PLXNA4: variants seen among roughly 807,000 people sequenced by gnomAD.
PLXNA4 encodes the protein plexin-A4.
PLXNA4 carries 44 observed loss-of-function variants against 191.8 expected under a neutral mutation model. That is an observed-to-expected ratio of 0.23 (90% confidence interval 0.18 to 0.29). The LOEUF is 0.29. Ranked by LOEUF, PLXNA4 falls within the 10% of genes least tolerant of loss-of-function variation. The pLI is 1.00. For synonymous variants in PLXNA4, 1,082 were observed against 1,009.5 expected (o/e 1.07, Z -1.36); for missense variants, 1,800 against 2,488.8 (o/e 0.72, Z 5.89).
chr7:132,130,277 A>G lies in PLXNA4; in HGVS notation c.*202T>C. The G allele has an allele frequency of 1.4e-6, 1 of 712,306 alleles. No individual in the cohort carries two copies. The highest frequency in any genetic ancestry group is 2.2e-6 in the Non-Finnish European group (1 of 447,584). The allele number at this position is 712,306 out of a possible 1,614,324, so 44.1% of individuals were successfully genotyped here. ...AACTGAGGGTCAGTGGCTTGGTCCA[A>G]TCGTGTTGGCAGAGCAACTGGAAGA... On this transcript the variant is annotated 3_prime_UTR_variant, in exon 32 of 32. Coordinates refer to ENST00000321063, the MANE Select transcript of PLXNA4 (RefSeq NM_020911.2).
intron 9 of PLXNA4, among the ~76,000 whole-genome samples, chr7:132,213,097 T>C (rs1797855691): frequency 6.6e-6 from 1 of 152,244 alleles, no homozygotes; most frequent in South Asian, 2.1e-4. Context: ...AACTCTGCTA[T>C]AACATGGATG....
chr7:132,528,649 A>G (rs1353199351), intron 1 of PLXNA4, among the ~76,000 whole-genome samples: 1 of 152,182 alleles, frequency 6.6e-6, no homozygotes, highest in African/African-American at 2.4e-5. Flanking sequence ...GTGAGGGAGC[A>G]CCTCTCTTCC....
At chr7:132,612,410 C>T (rs953441735) in intron 2 of PLXNA4, among the ~76,000 whole-genome samples, 1 of 152,070 alleles carries the variant, frequency 6.6e-6, no homozygotes, top group Non-Finnish European at 1.5e-5. Context: ...ACTGTAATCC[C>T]AGCACTTTGG....
rs1805261590 is a variant in PLXNA4, at chr7:132,388,591, T to G, written c.1372-90369A>C. Among the ~76,000 whole-genome samples the G allele has an allele frequency of 2.0e-5, 3 of 152,240 alleles. No homozygotes were observed. In the South Asian group the frequency reaches 6.2e-4, roughly 32 times the overall value. Reference sequence around the variant, plus strand: ...TTTCTGTGTCCTGACCATGTATTTTTAGCAATCCAACTAAGGGGTTCCAGC... The same window carrying G: ...TTTCTGTGTCCTGACCATGTATTTTGAGCAATCCAACTAAGGGGTTCCAGC... On this transcript the variant is annotated intron_variant, in intron 3 of 31. Coordinates refer to ENST00000321063, the MANE Select transcript of PLXNA4 (RefSeq NM_020911.2).
intron 2 of PLXNA4, among the ~76,000 whole-genome samples, chr7:132,492,045 A>G (rs1399886604): frequency 6.6e-6 from 1 of 152,114 alleles, no homozygotes; most frequent in African/African-American, 2.4e-5. Flanking sequence ...CGCATCCCCA[A>G]ATTTCTCAGG....
At chr7:132,582,411 T>C (rs1563186679) in intron 2 of PLXNA4, among the ~76,000 whole-genome samples, 3 of 152,154 alleles carry the variant, frequency 2.0e-5, no homozygotes, top group Admixed American at 6.5e-5. Flanking sequence ...CCCCAGTGAC[T>C]CTCAACCAGA....
chr7:132,644,083 C>T (rs971752785), intron 2 of PLXNA4, among the ~76,000 whole-genome samples: 3 of 152,032 alleles, frequency 2.0e-5, no homozygotes, highest in Admixed American at 6.6e-5. Context: ...TATTTATTAC[C>T]GTGGGTTGCA....
chr7:132,421,583 T>A (rs964533440), intron 3 of PLXNA4, among the ~76,000 whole-genome samples: 1 of 152,080 alleles, frequency 6.6e-6, no homozygotes, highest in Non-Finnish European at 1.5e-5. Context: ...CTAAAGTTTT[T>A]TTTTTTTACC....
At chr7:132,180,555 T>A in intron 19 of PLXNA4, 31 bp downstream of exon 19, 1 of 1,613,482 alleles carries the variant, frequency 6.2e-7, no homozygotes, top group Non-Finnish European at 8.5e-7. Flanking sequence ...TACTGCCCGC[T>A]CCATCCAGGA....
chr7:132,180,040 G>T, intron 19 of PLXNA4, 119 bp from the exon 20 acceptor site: 1 of 1,441,068 alleles, frequency 6.9e-7, no homozygotes, highest in Non-Finnish European at 9.2e-7. Context: ...ACCAATCACT[G>T]GTGTCAAAAT....
chr7:132,242,006 T>C (rs1798894738), intron 4 of PLXNA4, among the ~76,000 whole-genome samples: 1 of 152,266 alleles, frequency 6.6e-6, no homozygotes, highest in Admixed American at 6.5e-5. Flanking sequence ...TAGCTTTGCC[T>C]TGATGTCTCT....
intron 2 of PLXNA4, among the ~76,000 whole-genome samples, chr7:132,497,521 A>G (rs1798074500): frequency 6.6e-6 from 1 of 152,196 alleles, no homozygotes; most frequent in East Asian, 1.9e-4. Context: ...CTCCTCAGAA[A>G]GCCTATTATT....
At chr7:132,340,094 C>T (rs1228303146) in intron 3 of PLXNA4, among the ~76,000 whole-genome samples, 1 of 152,112 alleles carries the variant, frequency 6.6e-6, no homozygotes, top group Non-Finnish European at 1.5e-5. Flanking sequence ...TTCTCTAGGT[C>T]TCATTCACAA....
chr7:132,235,325 G>A (rs1335801998), intron 5 of PLXNA4, among the ~76,000 whole-genome samples: 3 of 152,252 alleles, frequency 2.0e-5, no homozygotes, highest in African/African-American at 7.2e-5. Context: ...AATTAGAGCT[G>A]AAGAAACTAA....
chr7:132,169,654 A>T (rs1426998259), intron 21 of PLXNA4, among the ~76,000 whole-genome samples: 1 of 152,098 alleles, frequency 6.6e-6, no homozygotes, highest in East Asian at 1.9e-4. Flanking sequence ...AAAATTAATC[A>T]ATGGTTGTAG....
intron 2 of PLXNA4, among the ~76,000 whole-genome samples, chr7:132,642,799 A>G (rs1480547638): frequency 6.6e-6 from 1 of 152,208 alleles, no homozygotes; most frequent in Admixed American, 6.5e-5. Context: ...GAAAGTTCCA[A>G]AAAAAACCAA....
At chr7:132,294,110 G>A (rs1395343855) in intron 4 of PLXNA4, among the ~76,000 whole-genome samples, 1 of 152,190 alleles carries the variant, frequency 6.6e-6, no homozygotes, top group Non-Finnish European at 1.5e-5. Flanking sequence ...AATAAGAAGA[G>A]ACTAAGTGCT....
At chr7:132,582,751 T>A (rs565455252) in intron 2 of PLXNA4, among the ~76,000 whole-genome samples, 2 of 152,348 alleles carry the variant, frequency 1.3e-5, no homozygotes, top group African/African-American at 2.4e-5. Context: ...CAGAGATTTG[T>A]TATGCAGTAG....
rs370193725 is a variant in PLXNA4 at position 132,634,185 on chromosome 7, C to A, written c.-87+11743G>T. Among the ~76,000 whole-genome samples, 36 of 152,208 alleles carry A rather than the reference C, an allele frequency of 2.4e-4. No individual in the cohort carries two copies. In the East Asian group the frequency reaches 6.8e-3, roughly 29 times the overall value. ...ATGCAGGGCACACAGGGCATCAAGG[C>A]CCTTTATTTAGGGTTAAATGGAGGT... On this transcript the variant is annotated intron_variant, in intron 2 of 4. Transcript: ENST00000378539.
Sources: allele counts gnomAD v4.1 joint callset (sites outside exome capture counted in the v4.1 genomes callset), GRCh38; gene constraint gnomAD v4.1.1; transcripts MANE v1.5; gene names NCBI Gene and HGNC (gene_info 2026-07-23, HGNC 2026-07-21).